Variants in DOP1B observed in about 807,000 individuals in gnomAD.
DOP1B encodes DOP1 leucine zipper like protein B.
Under a neutral mutation model 233.5 loss-of-function variants are expected in DOP1B, and 174 were observed. The observed-to-expected ratio is 0.75, with a 90% CI of 0.66 to 0.85. DOP1B has a LOEUF of 0.85. Ranked by LOEUF, DOP1B falls within the 40% of genes least tolerant of loss-of-function variation. The probability of loss-of-function intolerance (pLI) is 0.00; values close to 1 mark genes in which losing one functional copy is unlikely to be tolerated. For synonymous variants in DOP1B, 1,190 were observed against 1,185.6 expected, an observed-to-expected ratio of 1.00 and a Z score of -0.08; for missense variants, 2,652 against 2,846.6, an observed-to-expected ratio of 0.93 and a Z score of 1.56.
chr21:36,284,864 T>C (rs1209021308), intron 32 of DOP1B, among the ~76,000 whole-genome samples: 3 of 150,162 alleles, frequency 2.0e-5, no homozygotes, highest in Non-Finnish European at 3.0e-5. Flanking sequence ...CATTGTAACA[T>C]GTAATTATTA....
chr21:36,207,664 G>A (rs972055158), intron 4 of DOP1B, among the ~76,000 whole-genome samples: 13 of 152,138 alleles, frequency 8.5e-5, no homozygotes, highest in African/African-American at 2.4e-4. Flanking sequence ...ATCTGGACAC[G>A]GGAGGGCCAA....
chr21:36,184,131 C>T (rs1290174848), intron 2 of DOP1B, among the ~76,000 whole-genome samples: 1 of 152,182 alleles, frequency 6.6e-6, no homozygotes, highest in Non-Finnish European at 1.5e-5. Flanking sequence ...TCACTGCAAC[C>T]TCCGGCTCCC....
chr21:36,260,611 G>A, intron 23 of DOP1B, 66 bp from the exon 24 acceptor site: 2 of 1,602,230 alleles, frequency 1.2e-6, no homozygotes, highest in Non-Finnish European at 1.7e-6. Context: ...GTTTCATTTT[G>A]TATCTGAATT....
At chr21:36,226,296 C>CTT (rs80233063) in intron 12 of DOP1B, among the ~76,000 whole-genome samples, 1 of 137,718 alleles carries the variant, frequency 7.3e-6, no homozygotes, top group Non-Finnish European at 1.5e-5. Flanking sequence ...CTCTCTCTCT[C>CTT]TTTTTTTTTT....
chr21:36,189,217 C>CT (rs1183680017), intron 2 of DOP1B, among the ~76,000 whole-genome samples: 4 of 151,040 alleles, frequency 2.6e-5, no homozygotes, highest in African/African-American at 4.9e-5. Context: ...TAGTTTGAAT[C>CT]TTTTTTTTTC....
rs578204828 is a variant in DOP1B, at chr21:36,252,826, G to A, written c.5122-946G>A. Among the ~76,000 whole-genome samples the A allele has an allele frequency of 5.3e-5, 8 of 152,270 alleles. 1 individual carries two copies. In the South Asian group the frequency reaches 1.0e-3, roughly 20 times the overall value. ...GATAATATCAGTTTGTATTTTGCCC[G>A]TTCTTTATCCACTTGACTGGTCCAT... is the stretch of plus-strand genomic sequence containing the variant. On this transcript the variant is annotated intron_variant, in intron 22 of 36. Coordinates refer to ENST00000691173, the MANE Select transcript of DOP1B (RefSeq NM_001320714.2).
intron 13 of DOP1B, among the ~76,000 whole-genome samples, chr21:36,229,661 CTTTTT>C (rs373779563): frequency 7.8e-6 from 1 of 127,714 alleles, no homozygotes; most frequent in African/African-American, 3.0e-5. Flanking sequence ...CTTGCTTTAC[CTTTTT>C]TTTTTTTTTT....
rs11088341 is a variant in DOP1B at position 36,156,882 on chromosome 21, C to G, written c.-88C>G. On this transcript the variant is annotated 5_prime_UTR_variant, in exon 1 of 37. Coordinates refer to ENST00000691173, the MANE Select transcript of DOP1B (RefSeq NM_001320714.2). ...CGCAGCCCTGCCCAGTCTCTCTCCC[C>G]CAGCCCGGAGGGCTCCTCCGCGCCG... is the stretch of plus-strand genomic sequence containing the variant. The G allele has an allele frequency of 0.85, 128,922 of 152,396 alleles. 54,560 individuals are homozygous for G. Among genetic ancestry groups the G allele is most frequent in the Non-Finnish European group, 0.87 (59,566 of 68,146 alleles). 9.4% of individuals were successfully genotyped at this position (152,396 alleles called of 1,614,324 possible).
At chr21:36,183,117 A>G (rs1027774926) in intron 2 of DOP1B, among the ~76,000 whole-genome samples, 1 of 152,164 alleles carries the variant, frequency 6.6e-6, no homozygotes, top group African/African-American at 2.4e-5. Flanking sequence ...CTACAGCCTC[A>G]CACAATCCTC....
In DOP1B at chr21:36,211,540, TG is replaced by T. The variant is rs1364120767; in HGVS notation, c.682-12del. The T allele has an allele frequency of 6.2e-7, 1 of 1,612,926 alleles. No individual in the cohort carries two copies. The highest frequency in any genetic ancestry group is 8.5e-7 in the Non-Finnish European group (1 of 1,178,998). The stretch of plus-strand genomic sequence containing the variant: ...GTAGCCTGAAAATGCTAGTGCCGTT[TG>T]ATCGTTTACAGGTGAAGTCTTTGCG... On this transcript the variant is annotated splice_polypyrimidine_tract_variant and intron_variant, in intron 5 of 36. Transcript: ENST00000691173.
At chr21:36,199,023 A>G (rs769048107) in intron 2 of DOP1B, 47 bp from the exon 3 acceptor site, 15 of 1,583,130 alleles carry the variant, frequency 9.5e-6, no homozygotes, top group African/African-American at 1.4e-5. Context: ...TCCATTGTAA[A>G]TATCGCTGCC....
At chr21:36,187,844 A>T (rs1228343536) in intron 2 of DOP1B, among the ~76,000 whole-genome samples, 1 of 147,768 alleles carries the variant, frequency 6.8e-6, no homozygotes, top group Non-Finnish European at 1.5e-5. Flanking sequence ...GAAGCAATTC[A>T]CCTGCCTCGG....
At chr21:36,238,100 G>C (rs1365765966) in intron 16 of DOP1B, among the ~76,000 whole-genome samples, 1 of 152,240 alleles carries the variant, frequency 6.6e-6, no homozygotes, top group Non-Finnish European at 1.5e-5. Context: ...CTGGGAGGCG[G>C]AGGTTGCGGT....
At chr21:36,175,451 T>G (rs2066012389) in intron 2 of DOP1B, among the ~76,000 whole-genome samples, 1 of 152,124 alleles carries the variant, frequency 6.6e-6, no homozygotes, top group East Asian at 1.9e-4. Context: ...CAGACTGCAT[T>G]AGGGCTCACC....
At chr21:36,290,561 G>A (rs969586725) in intron 35 of DOP1B, among the ~76,000 whole-genome samples, 3 of 152,166 alleles carry the variant, frequency 2.0e-5, no homozygotes, top group African/African-American at 7.2e-5. Flanking sequence ...CACTTTGGGA[G>A]GCCAAGGTGG....
chr21:36,255,533 C>T (rs1416185280), intron 23 of DOP1B, among the ~76,000 whole-genome samples: 1 of 151,948 alleles, frequency 6.6e-6, no homozygotes, highest in African/African-American at 2.4e-5. Flanking sequence ...TAGCCTCGAC[C>T]TCCCCAGGCT....
At position 36,244,687 on chromosome 21, in the gene DOP1B, A is replaced by G. The variant is rs1237247669; in HGVS notation, c.3068-361A>G. ...GTGATCTACCTGCCTTGGCCTCCCA[A>G]TTGCTGGGATTACAGGTGTGAGCCA... On this transcript the variant is annotated intron_variant, in intron 18 of 36. Transcript: ENST00000691173. 9.2e-5 allele frequency among the ~76,000 whole-genome samples: 14 copies of G among 152,280 alleles called. No homozygotes were observed. In the East Asian group the frequency reaches 2.7e-3, roughly 29 times the overall value.
At chr21:36,263,467 G>A (rs2067196640) in intron 24 of DOP1B, 79 bp from the exon 25 acceptor site, 2 of 1,302,402 alleles carry the variant, frequency 1.5e-6, no homozygotes, top group Admixed American at 2.0e-5. Context: ...CCAACTGCCA[G>A]GATCTTAAAT....
intron 27 of DOP1B, among the ~76,000 whole-genome samples, chr21:36,270,765 T>G (rs546378241): frequency 6.7e-6 from 1 of 150,308 alleles, no homozygotes; most frequent in Non-Finnish European, 1.5e-5. Flanking sequence ...AATACAAAAA[T>G]TAGCCGCGCG....
Sources: allele counts gnomAD v4.1 joint callset (sites outside exome capture counted in the v4.1 genomes callset), GRCh38; gene constraint gnomAD v4.1.1; transcripts MANE v1.5; gene names NCBI Gene and HGNC (gene_info 2026-07-23, HGNC 2026-07-21).